DLG2: variants seen among roughly 807,000 people sequenced by gnomAD.
DLG2 encodes discs large MAGUK scaffold protein 2.
In DLG2, 45 loss-of-function variants were observed where a neutral mutation model predicts 132.5. That is an observed-to-expected ratio of 0.34 (90% CI 0.27 to 0.44). DLG2 has a LOEUF of 0.44. Ranked by LOEUF, DLG2 falls within the 20% of genes least tolerant of loss-of-function variation. The pLI is 1.00. For synonymous variants in DLG2, 424 were observed against 419.6 expected (o/e 1.01, Z -0.13); for missense variants, 1,045 against 1,196.9 (o/e 0.87, Z 1.87).
At chr11:83,816,247 C>A (rs1259363494) in intron 17 of DLG2, among the ~76,000 whole-genome samples, 5 of 152,162 alleles carry the variant, frequency 3.3e-5, no homozygotes, top group African/African-American at 1.2e-4. Flanking sequence ...AGCCTATTAG[C>A]CTATTGGCAG....
intron 19 of DLG2, among the ~76,000 whole-genome samples, chr11:83,617,293 A>G (rs914430004): frequency 2.6e-5 from 4 of 152,206 alleles, no homozygotes; most frequent in Non-Finnish European, 4.4e-5. Context: ...TGAATAAGGT[A>G]TACCCCACAT....
intron 6 of DLG2, among the ~76,000 whole-genome samples, chr11:84,896,483 T>C (rs1404564905): frequency 6.6e-6 from 1 of 152,086 alleles, no homozygotes; most frequent in Non-Finnish European, 1.5e-5. Flanking sequence ...GTGTAATCCA[T>C]TTAACAAGTA....
At chr11:83,968,356 G>A (rs898814491) in intron 12 of DLG2, among the ~76,000 whole-genome samples, 2 of 152,112 alleles carry the variant, frequency 1.3e-5, no homozygotes, top group Non-Finnish European at 2.9e-5. Flanking sequence ...TCTCCATTAA[G>A]CCGTAAGCTT....
chr11:84,659,925 A>G (rs2099692653), intron 6 of DLG2, among the ~76,000 whole-genome samples: 1 of 152,166 alleles, frequency 6.6e-6, no homozygotes, highest in Non-Finnish European at 1.5e-5. Context: ...AAGGTCCAGA[A>G]GAGGTGCCAA....
intron 4 of DLG2, among the ~76,000 whole-genome samples, chr11:85,234,793 A>G (rs2075492951): frequency 6.6e-6 from 1 of 152,006 alleles, no homozygotes; most frequent in African/African-American, 2.4e-5. Flanking sequence ...TTTTAAATCC[A>G]GCTACAGCCA....
intron 3 of DLG2, among the ~76,000 whole-genome samples, chr11:85,540,062 A>G (rs1598380796): frequency 1.3e-5 from 2 of 152,186 alleles, no homozygotes; most frequent in Non-Finnish European, 2.9e-5. Flanking sequence ...CCCTGACTCC[A>G]ATACTGCTTT....
chr11:84,794,370 G>A (rs1351734339), intron 6 of DLG2, among the ~76,000 whole-genome samples: 3 of 152,350 alleles, frequency 2.0e-5, no homozygotes, highest in Middle Eastern at 3.4e-3. Flanking sequence ...CTGCAATAGG[G>A]GAGGTACAGC....
At chr11:83,677,440 A>G (rs1362533442) in intron 18 of DLG2, among the ~76,000 whole-genome samples, 1 of 152,152 alleles carries the variant, frequency 6.6e-6, no homozygotes, top group Non-Finnish European at 1.5e-5. Context: ...AGGAGAGCAT[A>G]GCTAATACTG....
intron 3 of DLG2, among the ~76,000 whole-genome samples, chr11:85,479,586 T>C (rs1329629321): frequency 6.6e-6 from 1 of 152,236 alleles, no homozygotes; most frequent in East Asian, 1.9e-4. Context: ...TATGAACTTT[T>C]GAAATGATGC....
chr11:85,078,911 A>G (rs2066890033), intron 6 of DLG2, among the ~76,000 whole-genome samples: 1 of 152,098 alleles, frequency 6.6e-6, no homozygotes, highest in Admixed American at 6.6e-5. Context: ...GTCTTAATCA[A>G]TTTAGAAGTT....
chr11:84,169,171 A>G (rs1038905136), intron 8 of DLG2, among the ~76,000 whole-genome samples: 4 of 152,220 alleles, frequency 2.6e-5, no homozygotes, highest in African/African-American at 9.6e-5. Flanking sequence ...TGATTACATT[A>G]GGTAATTTAT....
At chr11:85,237,338 G>T (rs1373809398) in intron 4 of DLG2, among the ~76,000 whole-genome samples, 1 of 152,010 alleles carries the variant, frequency 6.6e-6, no homozygotes, top group Non-Finnish European at 1.5e-5. Context: ...TCACCAAGGG[G>T]TTTGTACAAA....
chr11:85,292,924 AG>A (rs201846125), intron 3 of DLG2, among the ~76,000 whole-genome samples: 4,989 of 152,178 alleles, frequency 0.033, 112 homozygotes, highest in Middle Eastern at 0.058. Context: ...TGTACTAGAA[AG>A]TAAGGAAGTG....
At chr11:84,289,563 T>C (rs2097957744) in intron 7 of DLG2, among the ~76,000 whole-genome samples, 1 of 151,772 alleles carries the variant, frequency 6.6e-6, no homozygotes, top group Non-Finnish European at 1.5e-5. Flanking sequence ...AGAGATAGAG[T>C]TAGAAGCAAG....
intron 3 of DLG2, among the ~76,000 whole-genome samples, chr11:85,428,646 A>G (rs1357858368): frequency 2.6e-5 from 4 of 152,250 alleles, no homozygotes; most frequent in Admixed American, 1.3e-4. Context: ...AGGGAAATTT[A>G]TAGCACTAAA....
Position 85,398,438 on chromosome 11 carries a change from C to T in DLG2, c.41-113073G>A, listed in dbSNP as rs538188519. 3.6e-4 allele frequency among the ~76,000 whole-genome samples: 55 copies of T among 152,104 alleles called. No homozygotes were observed. The South Asian group carries it at 8.1e-3, about 22-fold the overall frequency. On this transcript the variant is annotated intron_variant, in intron 3 of 27. Transcript: ENST00000376104. ...AGAAATAACTAAGATCAGAGAAGAA[C>T]TGAAGGAGACAGAGACACAAAAAAA...
chr11:84,833,350 T>C (rs2079281661), intron 6 of DLG2, among the ~76,000 whole-genome samples: 1 of 151,586 alleles, frequency 6.6e-6, no homozygotes, highest in Non-Finnish European at 1.5e-5. Context: ...GCTTATTTAC[T>C]GCTCCTAGCA....
intron 6 of DLG2, among the ~76,000 whole-genome samples, chr11:84,822,710 G>A (rs778244390): frequency 6.6e-6 from 1 of 151,832 alleles, no homozygotes; most frequent in Non-Finnish European, 1.5e-5. Flanking sequence ...GAGAAGGACT[G>A]GTCTTTGGAA....
intron 6 of DLG2, among the ~76,000 whole-genome samples, chr11:85,011,259 G>A (rs1324203946): frequency 6.6e-6 from 1 of 152,098 alleles, no homozygotes; most frequent in Non-Finnish European, 1.5e-5. Context: ...TGACTATTTA[G>A]TGCTTTTTCC....
Sources: allele counts gnomAD v4.1 joint callset (sites outside exome capture counted in the v4.1 genomes callset), GRCh38; gene constraint gnomAD v4.1.1; transcripts MANE v1.5; gene names NCBI Gene and HGNC (gene_info 2026-07-23, HGNC 2026-07-21).